TMTC2: variants seen among roughly 807,000 people sequenced by gnomAD.
The protein encoded by TMTC2 is protein O-mannosyl-transferase TMTC2.
A neutral mutation model predicts 82.4 loss-of-function variants in TMTC2; 43 were observed. That is an observed-to-expected ratio of 0.52 (90% CI 0.41 to 0.67). TMTC2 has a LOEUF of 0.67. Among genes scored for constraint, TMTC2 ranks in the 30% least tolerant of loss-of-function variants. The probability of loss-of-function intolerance (pLI) is 0.00; values close to 1 mark genes in which losing one functional copy is unlikely to be tolerated. For missense variants in TMTC2, 919 were observed against 1,012.4 expected (o/e 0.91, Z 1.25); for synonymous variants, 408 against 381.9 (o/e 1.07, Z -0.80).
At chr12:82,885,126 C>T (rs969310521) in intron 2 of TMTC2, among the ~76,000 whole-genome samples, 1 of 150,268 alleles carries the variant, frequency 6.7e-6, no homozygotes, top group African/African-American at 2.5e-5. Context: ...TGGTCTCGAA[C>T]TCCTGAACTC....
chr12:82,773,531 G>T (rs1877425534), intron 1 of TMTC2, among the ~76,000 whole-genome samples: 1 of 151,798 alleles, frequency 6.6e-6, no homozygotes, highest in East Asian at 1.9e-4. Flanking sequence ...TGCGATCTCG[G>T]CTCACTGCAG....
chr12:82,895,887 C>A lies in TMTC2; in HGVS notation c.724C>A (p.Arg242=). ...IFWGSSLLGA[R]LYWMGNKPPS... ...CTGGGGTTCCTCCCTTTTGGGTGCCCGGTTATACTGGATGGGAAACAAACC... is the reference window on the plus strand; with the variant it reads ...CTGGGGTTCCTCCCTTTTGGGTGCCAGGTTATACTGGATGGGAAACAAACC... The change falls in exon 3 of 12, where the codon CGG becomes AGG. Residue 242 remains arginine (R), a synonymous_variant. Coordinates refer to ENST00000321196, the MANE Select transcript of TMTC2 (RefSeq NM_152588.3). 1 of 1,613,822 alleles carries A rather than the reference C, an allele frequency of 6.2e-7. No individual in the cohort carries two copies. The highest frequency in any genetic ancestry group is 8.5e-7 in the Non-Finnish European group (1 of 1,179,956).
At chr12:83,101,795 A>T (rs987327100) in intron 11 of TMTC2, among the ~76,000 whole-genome samples, 13 of 152,178 alleles carry the variant, frequency 8.5e-5, no homozygotes, top group Non-Finnish European at 1.2e-4. Flanking sequence ...AAAAAATATA[A>T]AAGTAGTAAA....
At position 82,854,842 on chromosome 12, in the gene TMTC2, T is replaced by C. The variant is rs537021597; in HGVS notation, c.84-2168T>C. On this transcript the variant is annotated intron_variant, in intron 1 of 11. Transcript: ENST00000321196. The stretch of plus-strand genomic sequence containing the variant: ...GTATTTGGCACATTGTATATAATCA[T>C]CAACTTCTGATCGGCCTATTTTAAT... Among the ~76,000 whole-genome samples, 16 of 152,326 alleles carry C rather than the reference T, an allele frequency of 1.1e-4. No homozygotes were observed. The East Asian group carries it at 2.7e-3, about 26-fold the overall frequency.
At chr12:82,906,569 G>A (rs995383546) in intron 3 of TMTC2, among the ~76,000 whole-genome samples, 3 of 151,874 alleles carry the variant, frequency 2.0e-5, no homozygotes, top group Admixed American at 1.3e-4. Flanking sequence ...GGCGCCTCCT[G>A]CCTCAGCTAC....
At chr12:83,068,372 T>C (rs1192152060) in intron 11 of TMTC2, among the ~76,000 whole-genome samples, 1 of 152,156 alleles carries the variant, frequency 6.6e-6, no homozygotes, top group Non-Finnish European at 1.5e-5. Context: ...AAACCAAGTT[T>C]AATGGGACAG....
intron 1 of TMTC2, among the ~76,000 whole-genome samples, chr12:82,787,634 C>G (rs565526046): frequency 1.3e-5 from 2 of 152,218 alleles, no homozygotes; most frequent in South Asian, 4.1e-4. Context: ...CCTGGCCAGA[C>G]GCAGTTGCTC....
intron 8 of TMTC2, among the ~76,000 whole-genome samples, chr12:82,997,348 G>GTATATATA (rs370359828): frequency 4.6e-5 from 1 of 21,598 alleles, no homozygotes; most frequent in African/African-American, 1.1e-4. Flanking sequence ...GTGTGTGTGT[G>GTATATATA]TATATATATA....
intron 8 of TMTC2, among the ~76,000 whole-genome samples, chr12:83,027,452 A>G (rs1216360220): frequency 3.3e-5 from 5 of 152,134 alleles, no homozygotes; most frequent in African/African-American, 1.2e-4. Flanking sequence ...AAGCAAAAGG[A>G]TGTACAGCAG....
chr12:83,020,918 T>G (rs531443862), intron 8 of TMTC2, among the ~76,000 whole-genome samples: 1 of 152,332 alleles, frequency 6.6e-6, no homozygotes, highest in Non-Finnish European at 1.5e-5. Flanking sequence ...CCTTAAAATC[T>G]ATCTTTTTTT....
At chr12:82,706,536 A>G (rs1457983842) in intron 1 of TMTC2, among the ~76,000 whole-genome samples, 5 of 152,158 alleles carry the variant, frequency 3.3e-5, no homozygotes, top group Non-Finnish European at 7.3e-5. Context: ...ATAAAATCCA[A>G]CACAGAAAAA....
At chr12:83,045,707 T>TCACACACACACACACACC (rs1882075319) in intron 9 of TMTC2, among the ~76,000 whole-genome samples, 1 of 122,706 alleles carries the variant, frequency 8.1e-6, no homozygotes, top group African/African-American at 3.4e-5. Flanking sequence ...AAGGGCTCCT[T>TCACACACACACACACACC]CACACACACA....
intron 11 of TMTC2, among the ~76,000 whole-genome samples, chr12:83,125,413 T>A (rs763137012): frequency 2.0e-5 from 3 of 152,222 alleles, no homozygotes; most frequent in Non-Finnish European, 4.4e-5. Context: ...GATGTTATGT[T>A]ATTATCTTAT....
chr12:82,786,044 A>G (rs759141661), intron 1 of TMTC2, among the ~76,000 whole-genome samples: 3 of 152,066 alleles, frequency 2.0e-5, no homozygotes, highest in Non-Finnish European at 2.9e-5. Flanking sequence ...TGCCTGTCGA[A>G]CAATACAGAA....
chr12:82,982,375 T>C (rs906308240), intron 7 of TMTC2, among the ~76,000 whole-genome samples: 1 of 151,866 alleles, frequency 6.6e-6, no homozygotes, highest in Non-Finnish European at 1.5e-5. Context: ...CTTGTTCTTA[T>C]AGTGTTTGTT....
At chr12:82,689,865 A>G (rs942020201) in intron 1 of TMTC2, among the ~76,000 whole-genome samples, 2 of 152,238 alleles carry the variant, frequency 1.3e-5, no homozygotes, top group South Asian at 2.1e-4. Context: ...TCTAGATAGT[A>G]TATATTGATA....
At chr12:82,952,469 G>A (rs574195703) in intron 4 of TMTC2, among the ~76,000 whole-genome samples, 2 of 151,932 alleles carry the variant, frequency 1.3e-5, no homozygotes, top group East Asian at 1.9e-4. Context: ...CTCTATGAGC[G>A]CTATATTTGA....
chr12:82,941,208 C>T lies in TMTC2; in HGVS notation c.1598+10663C>T, dbSNP rs151292860. The stretch of plus-strand genomic sequence containing the variant: ...ATATTTTTTTTAAAAGATGGGATCT[C>T]ACTGTGTTGCCAGGCTAGATTTGAA... On this transcript the variant is annotated intron_variant, in intron 4 of 11. Transcript: ENST00000321196. 8.8e-3 allele frequency among the ~76,000 whole-genome samples: 1,333 copies of T among 152,156 alleles called. 23 individuals are homozygous for T. The highest frequency in any genetic ancestry group is 0.03 in the African/African-American group (1,262 of 41,502).
intron 3 of TMTC2, among the ~76,000 whole-genome samples, chr12:82,908,610 G>C (rs537065039): frequency 6.6e-6 from 1 of 152,124 alleles, no homozygotes; most frequent in African/African-American, 2.4e-5. Context: ...GTGATTGTCA[G>C]TTTCTCTCTT....
Sources: gnomAD v4.1 joint callset for allele counts (sites outside exome capture counted in the v4.1 genomes callset) on GRCh38, gnomAD v4.1.1 for gene constraint, MANE v1.5 for transcripts, NCBI Gene and HGNC (gene_info 2026-07-23, HGNC 2026-07-21) for gene names.